LRP1B: variants seen among roughly 807,000 people sequenced by gnomAD.
LRP1B encodes LDL receptor related protein 1B, also known as low-density lipoprotein receptor-related protein 1B.
In LRP1B, 217 loss-of-function variants were observed where a neutral mutation model predicts 556.6. The observed-to-expected ratio is 0.39, with a 90% confidence interval of 0.35 to 0.44. The LOEUF is 0.44. Among genes scored for constraint, LRP1B ranks in the 20% least tolerant of loss-of-function variants. The pLI is 1.00. For missense variants in LRP1B, 5,053 were observed against 5,620.8 expected, an observed-to-expected ratio of 0.90 and a Z score of 3.23; for synonymous variants, 2,047 against 1,865.8, an observed-to-expected ratio of 1.10 and a Z score of -2.50.
chr2:141,629,465 C>T (rs940304075), intron 2 of LRP1B, among the ~76,000 whole-genome samples: 10 of 152,138 alleles, frequency 6.6e-5, no homozygotes, highest in African/African-American at 2.2e-4. Context: ...AGGTAAGGGT[C>T]ACTTGTATCC....
At chr2:141,024,696 G>C (rs1698167861) in intron 11 of LRP1B, among the ~76,000 whole-genome samples, 1 of 151,926 alleles carries the variant, frequency 6.6e-6, no homozygotes, top group Admixed American at 6.6e-5. Flanking sequence ...CATGAATTCT[G>C]GTAGAAGACA....
intron 66 of LRP1B, among the ~76,000 whole-genome samples, chr2:140,428,874 C>T (rs907571206): frequency 2.0e-5 from 3 of 152,066 alleles, no homozygotes; most frequent in Admixed American, 6.6e-5. Flanking sequence ...TTTAGTTATC[C>T]CCACCTGCCC....
chr2:141,298,904 A>G (rs2105425282), intron 3 of LRP1B, among the ~76,000 whole-genome samples: 1 of 151,490 alleles, frequency 6.6e-6, no homozygotes, highest in Non-Finnish European at 1.5e-5. Context: ...CAGTGAGCCA[A>G]GATCATGCCA....
chr2:140,655,051 C>T (rs1391716703), intron 41 of LRP1B, among the ~76,000 whole-genome samples: 4 of 139,940 alleles, frequency 2.9e-5, no homozygotes, highest in Non-Finnish European at 6.4e-5. Flanking sequence ...TATATATCTC[C>T]TAGCTCTCTA....
intron 21 of LRP1B, among the ~76,000 whole-genome samples, chr2:140,911,415 G>T (rs539978472): frequency 6.6e-5 from 10 of 151,640 alleles, no homozygotes; most frequent in African/African-American, 2.4e-4. Flanking sequence ...TTCTTCTACC[G>T]TATACTTCGG....
intron 52 of LRP1B, among the ~76,000 whole-genome samples, chr2:140,508,438 A>G (rs1689511998): frequency 6.6e-6 from 1 of 152,150 alleles, no homozygotes; most frequent in South Asian, 2.1e-4. Context: ...ATGAACAAAT[A>G]AATCTCTCCC....
At chr2:140,304,707 G>GT (rs1683989986) in intron 83 of LRP1B, among the ~76,000 whole-genome samples, 1 of 152,156 alleles carries the variant, frequency 6.6e-6, no homozygotes, top group African/African-American at 2.4e-5. Flanking sequence ...TGCTTTTGGT[G>GT]TTTTAGACAT....
intron 41 of LRP1B, among the ~76,000 whole-genome samples, chr2:140,608,927 G>A (rs1282708788): frequency 6.6e-6 from 1 of 152,082 alleles, no homozygotes; most frequent in Non-Finnish European, 1.5e-5. Flanking sequence ...TTCAGACTCA[G>A]CTGAAAATTA....
chr2:140,318,659 C>G (rs551196313), intron 82 of LRP1B, among the ~76,000 whole-genome samples: 1 of 151,990 alleles, frequency 6.6e-6, no homozygotes, highest in African/African-American at 2.4e-5. Flanking sequence ...TCCAATAACT[C>G]TGGAAATGGG....
chr2:140,920,639 T>A (rs1694711591), intron 21 of LRP1B, among the ~76,000 whole-genome samples: 1 of 152,062 alleles, frequency 6.6e-6, no homozygotes, highest in Admixed American at 6.6e-5. Flanking sequence ...TTCATTGAAG[T>A]CTGTCATAAA....
intron 66 of LRP1B, among the ~76,000 whole-genome samples, chr2:140,432,849 G>C (rs1204122209): frequency 6.6e-6 from 1 of 152,104 alleles, no homozygotes; most frequent in African/African-American, 2.4e-5. Context: ...ATTGAAATTA[G>C]GTAATATATT....
intron 2 of LRP1B, among the ~76,000 whole-genome samples, chr2:141,754,754 T>C (rs1694257460): frequency 6.6e-6 from 1 of 152,104 alleles, no homozygotes; most frequent in African/African-American, 2.4e-5. Context: ...AACTCAACCA[T>C]GCAATTGCCT....
At chr2:140,532,934 A>ATCTATATCTATATCTATATC (rs1175810472) in intron 47 of LRP1B, among the ~76,000 whole-genome samples, 1 of 111,300 alleles carries the variant, frequency 9.0e-6, no homozygotes. Flanking sequence ...CACAAGATAT[A>ATCTATATCTATATCTATATC]TATATATATA....
chr2:141,048,747 C>G (rs1698951282), intron 11 of LRP1B, among the ~76,000 whole-genome samples: 1 of 151,974 alleles, frequency 6.6e-6, no homozygotes, highest in Admixed American at 6.6e-5. Flanking sequence ...AGTTTTAATT[C>G]CGATAATATT....
At chr2:141,932,978 CTTGT>C (rs1163750066) in intron 1 of LRP1B, among the ~76,000 whole-genome samples, 11 of 151,890 alleles carry the variant, frequency 7.2e-5, no homozygotes, top group African/African-American at 2.7e-4. Flanking sequence ...TCATTTCCTG[CTTGT>C]TTATGTAACT....
intron 1 of LRP1B, among the ~76,000 whole-genome samples, chr2:142,012,414 A>G (rs1274226068): frequency 1.3e-5 from 2 of 152,122 alleles, no homozygotes; most frequent in African/African-American, 4.8e-5. Flanking sequence ...CCATATTATG[A>G]TCTGATAGGT....
At chr2:140,716,160 C>A (rs2105462267) in intron 36 of LRP1B, 58 bp from the exon 37 acceptor site, 3 of 1,247,608 alleles carry the variant, frequency 2.4e-6, no homozygotes, top group South Asian at 3.7e-5. Flanking sequence ...ATGTATTTGT[C>A]ATGACTAAAA....
At chr2:141,934,367 T>A (rs1392830531) in intron 1 of LRP1B, among the ~76,000 whole-genome samples, 1 of 152,162 alleles carries the variant, frequency 6.6e-6, no homozygotes, top group East Asian at 1.9e-4. Flanking sequence ...GACTGAGAAT[T>A]TTTTATAATT....
intron 1 of LRP1B, among the ~76,000 whole-genome samples, chr2:141,953,850 T>C (rs1701177169): frequency 6.6e-6 from 1 of 152,144 alleles, no homozygotes; most frequent in Non-Finnish European, 1.5e-5. Flanking sequence ...GCATATTGAG[T>C]GCTTGTCATA....
Sources: allele counts gnomAD v4.1 joint callset (sites outside exome capture counted in the v4.1 genomes callset), GRCh38; gene constraint gnomAD v4.1.1; transcripts MANE v1.5; gene names NCBI Gene and HGNC (gene_info 2026-07-23, HGNC 2026-07-21).